The following ASIC2 variants were observed in gnomAD, a reference collection of about 807,000 sequenced individuals.
The protein encoded by ASIC2 is acid sensing ion channel subunit 2.
In ASIC2, 25 loss-of-function variants were observed where a neutral mutation model predicts 57.3. The observed-to-expected ratio is 0.44, with a 90% CI of 0.32 to 0.61. ASIC2 has a LOEUF of 0.61. ASIC2 is among the 20% of genes least tolerant of loss of function. The pLI, the probability that ASIC2 is intolerant of heterozygous loss-of-function variation, is 0.06. For synonymous variants in ASIC2, 319 were observed against 307.5 expected (o/e 1.04, Z -0.39); for missense variants, 641 against 738.1 (o/e 0.87, Z 1.52).
intron 1 of ASIC2, among the ~76,000 whole-genome samples, chr17:33,361,322 G>A (rs1031667214): frequency 6.6e-6 from 1 of 152,202 alleles, no homozygotes; most frequent in Non-Finnish European, 1.5e-5. Context: ...ATGCCCAAAT[G>A]TCTTGGAGAG....
chr17:33,397,159 A>T (rs1237877699), intron 1 of ASIC2, among the ~76,000 whole-genome samples: 1 of 152,192 alleles, frequency 6.6e-6, no homozygotes, highest in African/African-American at 2.4e-5. Context: ...GCACAATTAC[A>T]GTGCAAGGTG....
intron 1 of ASIC2, among the ~76,000 whole-genome samples, chr17:33,978,096 G>A (rs944248463): frequency 3.9e-5 from 6 of 152,192 alleles, no homozygotes; most frequent in East Asian, 3.8e-4. Context: ...CTGAGACCAC[G>A]CCAGACCTGG....
chr17:33,340,737 T>C (rs932685029), intron 1 of ASIC2, among the ~76,000 whole-genome samples: 5 of 152,056 alleles, frequency 3.3e-5, no homozygotes, highest in Non-Finnish European at 7.4e-5. Context: ...GGGCTCTGTA[T>C]ATGTGTGTCT....
intron 1 of ASIC2, among the ~76,000 whole-genome samples, chr17:33,943,354 A>G (rs1031991253): frequency 6.6e-6 from 1 of 152,186 alleles, no homozygotes; most frequent in Non-Finnish European, 1.5e-5. Context: ...CCTATACCGC[A>G]TGTTTCAAGA....
intron 3 of ASIC2, among the ~76,000 whole-genome samples, chr17:33,032,398 T>C (rs1029948894): frequency 6.6e-6 from 1 of 151,820 alleles, no homozygotes; most frequent in Non-Finnish European, 1.5e-5. Flanking sequence ...TTCTGTGTCA[T>C]ATATTTTACT....
chr17:33,605,303 A>G (rs1318051612), intron 1 of ASIC2, among the ~76,000 whole-genome samples: 1 of 152,258 alleles, frequency 6.6e-6, no homozygotes, highest in African/African-American at 2.4e-5. Context: ...ATCTCTGAGA[A>G]TGACAGTGCT....
chr17:34,011,568 C>T (rs1906762093), intron 1 of ASIC2, among the ~76,000 whole-genome samples: 1 of 152,100 alleles, frequency 6.6e-6, no homozygotes, highest in South Asian at 2.1e-4. Context: ...CTCCCTAGCC[C>T]ATCTCTCCTT....
intron 1 of ASIC2, among the ~76,000 whole-genome samples, chr17:33,432,639 T>C (rs1331153912): frequency 6.6e-6 from 1 of 152,198 alleles, no homozygotes; most frequent in African/African-American, 2.4e-5. Flanking sequence ...GCATATAACA[T>C]ACAAACCGTA....
intron 1 of ASIC2, among the ~76,000 whole-genome samples, chr17:33,958,751 T>C (rs901103434): frequency 3.3e-5 from 5 of 152,190 alleles, no homozygotes; most frequent in African/African-American, 1.2e-4. Flanking sequence ...CCCTGTTGTC[T>C]TGGTGATTAA....
intron 1 of ASIC2, among the ~76,000 whole-genome samples, chr17:34,044,799 G>A (rs187158723): frequency 1.2e-4 from 19 of 152,286 alleles, no homozygotes; most frequent in Admixed American, 1.0e-3. Flanking sequence ...GCAGTGTCCT[G>A]CTGATGAAGA....
chr17:33,514,951 A>T (rs1023288795), intron 1 of ASIC2, among the ~76,000 whole-genome samples: 6 of 151,626 alleles, frequency 4.0e-5, no homozygotes, highest in Admixed American at 1.3e-4. Flanking sequence ...GTTCTTTCTC[A>T]CCTCCTGCCA....
rs1251713385 is a variant in ASIC2, at chr17:33,013,910, T to C, written c.*55A>G. ...CACCTGAGCTTGCTGTTCCTTGTCC[T>C]GGGTCTTGGGCCTCAAGGTCTGTTT... On this transcript the variant is annotated 3_prime_UTR_variant, in exon 10 of 10. Transcript: ENST00000225823. The C allele has an allele frequency of 7.0e-7, 1 of 1,437,300 alleles. No individual in the cohort carries two copies. The highest frequency in any genetic ancestry group is 1.4e-5 in the African/African-American group (1 of 70,660). The allele number at this position is 1,437,300 out of a possible 1,614,324, so 89.0% of individuals were successfully genotyped here.
At chr17:33,433,219 C>T (rs947129547) in intron 1 of ASIC2, among the ~76,000 whole-genome samples, 1 of 152,044 alleles carries the variant, frequency 6.6e-6, no homozygotes, top group African/African-American at 2.4e-5. Context: ...ATTATGTAGC[C>T]ATTAAAAAAA....
At chr17:33,026,114 T>C in intron 4 of ASIC2, 132 bp from the exon 5 acceptor site, 1 of 887,396 alleles carries the variant, frequency 1.1e-6, no homozygotes, top group Non-Finnish European at 1.7e-6. Context: ...CAGTGGGCAG[T>C]TCGAAGGGAG....
chr17:33,706,943 A>C (rs1908881070), intron 1 of ASIC2, among the ~76,000 whole-genome samples: 1 of 152,238 alleles, frequency 6.6e-6, no homozygotes, highest in Non-Finnish European at 1.5e-5. Context: ...TGCCTCATTA[A>C]AATGAAGATT....
At chr17:33,793,831 A>T (rs192051435) in intron 1 of ASIC2, 1 of 152,308 alleles carries the variant, frequency 6.6e-6, no homozygotes. Flanking sequence ...AATGATATAC[A>T]TGTTCACAGA....
intron 1 of ASIC2, among the ~76,000 whole-genome samples, chr17:33,249,954 A>G (rs1405755048): frequency 6.6e-6 from 1 of 152,086 alleles, no homozygotes; most frequent in East Asian, 1.9e-4. Context: ...GCCAATCCCA[A>G]AGGTATGGGG....
chr17:33,328,133 A>T (rs1054663741), intron 1 of ASIC2, among the ~76,000 whole-genome samples: 2 of 93,068 alleles, frequency 2.1e-5, no homozygotes, highest in Non-Finnish European at 4.4e-5. Context: ...CTCAGTTTGC[A>T]ACATTTTGTT....
At chr17:33,197,661 CT>C (rs1171095966) in intron 1 of ASIC2, among the ~76,000 whole-genome samples, 3 of 152,178 alleles carry the variant, frequency 2.0e-5, no homozygotes, top group African/African-American at 7.2e-5. Context: ...GATGTGTGGG[CT>C]GGGGTATCCA....
Sources: allele counts gnomAD v4.1 joint callset (sites outside exome capture counted in the v4.1 genomes callset), GRCh38; gene constraint gnomAD v4.1.1; transcripts MANE v1.5; gene names NCBI Gene and HGNC (gene_info 2026-07-23, HGNC 2026-07-21).